The following NFAM1 variants were observed in gnomAD, a reference collection of about 807,000 sequenced individuals.
NFAM1 encodes the protein NFAT activating protein with ITAM motif 1, also known as NFAT activation molecule 1.
A neutral mutation model predicts 29.0 loss-of-function variants in NFAM1; 17 were observed. The ratio of observed to expected loss-of-function variants is 0.59; its 90% CI spans 0.40 to 0.88. The LOEUF (loss-of-function observed/expected upper bound fraction) is 0.88, where lower values mean the gene tolerates loss of function less well. Ranked by LOEUF, NFAM1 falls within the 40% of genes least tolerant of loss-of-function variation. The pLI, the probability that NFAM1 is intolerant of heterozygous loss-of-function variation, is 0.00. For synonymous variants in NFAM1, 175 were observed against 147.2 expected, an observed-to-expected ratio of 1.19 and a Z score of -1.36; for missense variants, 324 against 344.6, an observed-to-expected ratio of 0.94 and a Z score of 0.47.
At chr22:42,397,318 CAG>C (rs1929563325) in intron 4 of NFAM1, among the ~76,000 whole-genome samples, 1 of 152,104 alleles carries the variant, frequency 6.6e-6, no homozygotes, top group African/African-American at 2.4e-5. Context: ...TACAACACAG[CAG>C]AGAGTGGAAC....
At chr22:42,424,886 TTC>T (rs1930572340) in intron 1 of NFAM1, among the ~76,000 whole-genome samples, 1 of 149,156 alleles carries the variant, frequency 6.7e-6, no homozygotes, top group African/African-American at 2.5e-5. Flanking sequence ...CCCTCTCTCT[TTC>T]TTTCCTTTCT....
intron 1 of NFAM1, among the ~76,000 whole-genome samples, chr22:42,430,556 CAAAAAAAAA>C (rs10684230): frequency 2.7e-5 from 2 of 73,002 alleles, no homozygotes; most frequent in South Asian, 5.2e-4. Flanking sequence ...GTGAAACTCT[CAAAAAAAAA>C]AAAAAAAAAA....
chr22:42,410,002 C>T (rs2147107388), intron 2 of NFAM1, among the ~76,000 whole-genome samples: 1 of 152,328 alleles, frequency 6.6e-6, no homozygotes, highest in African/African-American at 2.4e-5. Context: ...CCAGTCCCTC[C>T]TGCTGGCATC....
chr22:42,436,199 C>G (rs892807094), upstream of NFAM1, among the ~76,000 whole-genome samples: 5 of 152,186 alleles, frequency 3.3e-5, no homozygotes, highest in African/African-American at 1.2e-4. Flanking sequence ...AGGTCCTGAG[C>G]TCTTCATGGT....
chr22:42,430,894 T>C (rs942744183), intron 1 of NFAM1, among the ~76,000 whole-genome samples: 7 of 152,154 alleles, frequency 4.6e-5, no homozygotes, highest in African/African-American at 1.7e-4. Context: ...TTGAGACACA[T>C]TGACACTAAC....
At position 42,432,192 on chromosome 22, in the gene NFAM1, G is replaced by A. The variant is rs1320313551; in HGVS notation, c.121+45C>T. 5 of 1,507,448 alleles carry A rather than the reference G, an allele frequency of 3.3e-6. No homozygotes were observed. The East Asian group carries it at 1.2e-4, about 36-fold the overall frequency. The allele number at this position is 1,507,448 out of a possible 1,614,324, so 93.4% of individuals were successfully genotyped here. The stretch of plus-strand genomic sequence containing the variant: ...CGGGCGGGATGAAAGCCGCTCTGAT[G>A]TTCTGGAGCGAGAGAGTAGAGAGAA... On this transcript the variant is annotated intron_variant, in intron 1 of 5. Coordinates refer to ENST00000329021, the MANE Select transcript of NFAM1 (RefSeq NM_145912.8).
chr22:42,416,744 G>A (rs981514283), intron 1 of NFAM1, among the ~76,000 whole-genome samples: 4 of 152,174 alleles, frequency 2.6e-5, no homozygotes, highest in East Asian at 1.9e-4. Flanking sequence ...GAGGGCACTC[G>A]GCCGCTATCT....
At chr22:42,404,588 G>A (rs1929830829) in intron 3 of NFAM1, among the ~76,000 whole-genome samples, 1 of 152,150 alleles carries the variant, frequency 6.6e-6, no homozygotes, top group South Asian at 2.1e-4. Context: ...AGCTTCTGCT[G>A]TGTGTCAGGC....
At chr22:42,398,381 ATTT>A (rs1461046411) in intron 3 of NFAM1, among the ~76,000 whole-genome samples, 3 of 111,162 alleles carry the variant, frequency 2.7e-5, no homozygotes, top group Admixed American at 1.1e-4. Context: ...CCTTGGTTTT[ATTT>A]ATTATTATTA....
chr22:42,419,887 A>T lies in NFAM1; in HGVS notation c.122-8151T>A, dbSNP rs1930376853. On this transcript the variant is annotated intron_variant, in intron 1 of 5. Coordinates refer to ENST00000329021, the MANE Select transcript of NFAM1 (RefSeq NM_145912.8). The surrounding 1 kb of genome is among the most constrained non-coding windows in gnomAD (Gnocchi z 4.5). ...CTGGGTTTGGTTTCACCTTTTGCAG[A>T]TGACAAAACTGAGGCTCAGAGAAGG... 1.3e-5 allele frequency among the ~76,000 whole-genome samples: 2 copies of T among 150,354 alleles called. No homozygotes were observed. The highest frequency in any genetic ancestry group is 4.9e-5 in the African/African-American group (2 of 41,040).
chr22:42,406,925 A>G (rs941125504), intron 3 of NFAM1, among the ~76,000 whole-genome samples: 2 of 151,378 alleles, frequency 1.3e-5, no homozygotes, highest in African/African-American at 4.9e-5. Flanking sequence ...CAGGCGTGTG[A>G]CCACCACACC....
At chr22:42,402,246 A>G (rs539281996) in intron 3 of NFAM1, among the ~76,000 whole-genome samples, 2 of 152,304 alleles carry the variant, frequency 1.3e-5, no homozygotes, top group Admixed American at 1.3e-4. Flanking sequence ...CACAACTCCA[A>G]GGCTTGGGCC....
chr22:42,421,904 G>A (rs111713011), intron 1 of NFAM1, among the ~76,000 whole-genome samples: 1 of 152,200 alleles, frequency 6.6e-6, no homozygotes, highest in Non-Finnish European at 1.5e-5. Flanking sequence ...CCATGTGCCT[G>A]AGCACAAATC....
At chr22:42,432,151 T>C (rs1157746483) in intron 1 of NFAM1, 86 bp downstream of exon 1, 9 of 1,226,710 alleles carry the variant, frequency 7.3e-6, no homozygotes, top group Middle Eastern at 2.5e-4. Flanking sequence ...GACAGGTCCC[T>C]GGGAATTAGC....
At chr22:42,402,066 C>T (rs181309481) in intron 3 of NFAM1, among the ~76,000 whole-genome samples, 13 of 152,342 alleles carry the variant, frequency 8.5e-5, no homozygotes, top group Middle Eastern at 6.8e-3. Context: ...TAAAGACAGA[C>T]GCCAGGTTGT....
intron 5 of NFAM1, among the ~76,000 whole-genome samples, chr22:42,386,216 C>T (rs906829285): frequency 1.3e-5 from 2 of 151,768 alleles, no homozygotes; most frequent in Non-Finnish European, 2.9e-5. Flanking sequence ...GTACTAAAAA[C>T]ACAAAAAATT....
Position 42,387,036 on chromosome 22 carries a change from T to C in NFAM1, c.706A>G (p.Asn236Asp). Residue 236 changes from asparagine to aspartate, a missense_variant, in exon 5 of 6, where the codon AAT (asparagine) becomes GAT (aspartate). Physicochemically the swap from Asn to Asp is conservative, Grantham distance 23. Transcript: ENST00000329021. Reference protein sequence around the residue: ...RETEVYACIENEDGSSPTAKQ... With the variant: ...RETEVYACIEDEDGSSPTAKQ... Reference sequence around the variant, plus strand: ...GCGGTGGGTGAGCTGCCATCCTCATTCTCGATGCAGGCATAGACCTCGGTC... The same window carrying C: ...GCGGTGGGTGAGCTGCCATCCTCATCCTCGATGCAGGCATAGACCTCGGTC... 6.3e-7 allele frequency: 1 copy of C among 1,585,686 alleles called. No homozygotes were observed. The highest frequency in any genetic ancestry group is 8.6e-7 in the Non-Finnish European group (1 of 1,166,896).
Position 42,385,138 on chromosome 22 carries a change from C to T in NFAM1, c.*23G>A, listed in dbSNP as rs1413550975. The T allele has an allele frequency of 6.2e-7, 1 of 1,604,524 alleles. No individual in the cohort carries two copies. The highest frequency in any genetic ancestry group is 8.5e-7 in the Non-Finnish European group (1 of 1,171,632). ...CCCCGGTCCTCTGACCCAGGGCAAG[C>T]TCTATGAGCGGTGGAGCCCATCCTA... On this transcript the variant is annotated 3_prime_UTR_variant, in exon 6 of 6. Coordinates refer to ENST00000329021, the MANE Select transcript of NFAM1 (RefSeq NM_145912.8).
At chr22:42,437,282 A>G (rs1210265413), upstream of NFAM1, among the ~76,000 whole-genome samples, 2 of 151,794 alleles carry the variant, frequency 1.3e-5, no homozygotes, top group African/African-American at 2.4e-5. Context: ...AGCTGGGATT[A>G]AAGGCACCCA....
Sources: gnomAD v4.1 joint callset for allele counts (sites outside exome capture counted in the v4.1 genomes callset) on GRCh38, gnomAD v4.1.1 for gene constraint, Gnocchi (gnomAD v3.1) non-coding constraint, MANE v1.5 for transcripts, NCBI Gene and HGNC (gene_info 2026-07-23, HGNC 2026-07-21) for gene names.